Variants in PELI2 observed in about 807,000 individuals in gnomAD.
PELI2 encodes the protein pellino E3 ubiquitin protein ligase family member 2.
PELI2 carries 23 observed loss-of-function variants against 42.3 expected under a neutral mutation model. That is an observed-to-expected ratio of 0.54 (90% CI 0.39 to 0.77). The LOEUF (loss-of-function observed/expected upper bound fraction) is 0.77. Ranked by LOEUF, PELI2 falls within the 30% of genes least tolerant of loss-of-function variation. The pLI, the probability that PELI2 is intolerant of heterozygous loss-of-function variation, is 0.00. For missense variants in PELI2, 463 were observed against 553.2 expected, an observed-to-expected ratio of 0.84 and a Z score of 1.64; for synonymous variants, 245 against 212.2, an observed-to-expected ratio of 1.15 and a Z score of -1.34.
At chr14:56,253,722 C>T (rs984338712) in intron 2 of PELI2, among the ~76,000 whole-genome samples, 10 of 152,204 alleles carry the variant, frequency 6.6e-5, no homozygotes, top group African/African-American at 2.4e-4. Flanking sequence ...AACGGAAAAA[C>T]ATTCCACGCT....
chr14:56,178,564 C>A, intron 2 of PELI2, 100 bp downstream of exon 2: 2 of 1,308,582 alleles, frequency 1.5e-6, no homozygotes, highest in Non-Finnish European at 2.2e-6. Flanking sequence ...TCATGTAGGA[C>A]AGTCTCTCAG....
At chr14:56,133,423 C>T (rs1435431802) in intron 1 of PELI2, among the ~76,000 whole-genome samples, 1 of 152,112 alleles carries the variant, frequency 6.6e-6, no homozygotes, top group Non-Finnish European at 1.5e-5. Flanking sequence ...GGGTGCTGTC[C>T]TCTGAGAGCT....
At chr14:56,249,313 C>T (rs1228126431) in intron 2 of PELI2, among the ~76,000 whole-genome samples, 1 of 152,138 alleles carries the variant, frequency 6.6e-6, no homozygotes. Flanking sequence ...TTTCATTTAA[C>T]ATCCTTTACA....
chr14:56,251,167 GC>G (rs1888329655), intron 2 of PELI2, among the ~76,000 whole-genome samples: 1 of 152,188 alleles, frequency 6.6e-6, no homozygotes, highest in Non-Finnish European at 1.5e-5. Flanking sequence ...GCTATTAGTA[GC>G]CAGCACTCAG....
chr14:56,204,108 G>A (rs1015388765), intron 2 of PELI2, among the ~76,000 whole-genome samples: 2 of 152,186 alleles, frequency 1.3e-5, no homozygotes, highest in African/African-American at 4.8e-5. Context: ...TAGAGGGCTT[G>A]TTCAACAGGG....
intron 2 of PELI2, among the ~76,000 whole-genome samples, chr14:56,279,309 A>C (rs926731467): frequency 1.3e-5 from 2 of 152,198 alleles, no homozygotes; most frequent in Non-Finnish European, 2.9e-5. Context: ...GTTGTGTGAA[A>C]TCTTAAAACT....
At chr14:56,194,827 T>A (rs1173463024) in intron 2 of PELI2, among the ~76,000 whole-genome samples, 4 of 152,118 alleles carry the variant, frequency 2.6e-5, no homozygotes. Context: ...CCCATTCCTC[T>A]GCCTCAAAAT....
At chr14:56,201,314 C>A (rs972223901) in intron 2 of PELI2, among the ~76,000 whole-genome samples, 5 of 152,180 alleles carry the variant, frequency 3.3e-5, no homozygotes, top group African/African-American at 1.2e-4. Context: ...AAGCTAGAAC[C>A]AGTGACAGAT....
intron 2 of PELI2, among the ~76,000 whole-genome samples, chr14:56,183,933 G>GT (rs1885678292): frequency 6.6e-6 from 1 of 152,126 alleles, no homozygotes; most frequent in South Asian, 2.1e-4. Flanking sequence ...ACTTCTAGGT[G>GT]TTTTCATTTG....
intron 2 of PELI2, among the ~76,000 whole-genome samples, chr14:56,181,533 G>T (rs190717730): frequency 2.0e-5 from 3 of 152,156 alleles, no homozygotes; most frequent in Admixed American, 6.5e-5. Flanking sequence ...ACCTAGAAGG[G>T]TAGGTGTGGT....
intron 2 of PELI2, among the ~76,000 whole-genome samples, chr14:56,203,875 C>T (rs937213716): frequency 2.0e-5 from 3 of 152,158 alleles, no homozygotes; most frequent in African/African-American, 7.2e-5. Context: ...CTGAGTCTCT[C>T]ACCCATAAAA....
At chr14:56,208,968 G>GT (rs1233025682) in intron 2 of PELI2, among the ~76,000 whole-genome samples, 1 of 152,190 alleles carries the variant, frequency 6.6e-6, no homozygotes, top group Non-Finnish European at 1.5e-5. Context: ...TGGAAAACTT[G>GT]TATCTGCTAC....
intron 2 of PELI2, among the ~76,000 whole-genome samples, chr14:56,267,360 C>T (rs1825849067): frequency 6.6e-6 from 1 of 152,020 alleles, no homozygotes; most frequent in African/African-American, 2.4e-5. Context: ...GAAATAGATT[C>T]AGGGTATGGC....
At chr14:56,149,109 A>C (rs1432020117) in intron 1 of PELI2, among the ~76,000 whole-genome samples, 1 of 152,208 alleles carries the variant, frequency 6.6e-6, no homozygotes, top group Non-Finnish European at 1.5e-5. Context: ...TTTTACCCAA[A>C]TCCTTTCAAC....
chr14:56,190,050 A>G (rs988962646), intron 2 of PELI2, among the ~76,000 whole-genome samples: 2 of 152,198 alleles, frequency 1.3e-5, no homozygotes, highest in Admixed American at 1.3e-4. Flanking sequence ...TTTTGAACAA[A>G]GAGTTGTGTA....
intron 3 of PELI2, among the ~76,000 whole-genome samples, chr14:56,285,417 A>C (rs1007527712): frequency 4.6e-5 from 7 of 152,200 alleles, no homozygotes; most frequent in Non-Finnish European, 8.8e-5. Context: ...CATATATTAC[A>C]TTTGAGATAT....
chr14:56,222,469 G>A (rs1033499948), intron 2 of PELI2, among the ~76,000 whole-genome samples: 2 of 152,196 alleles, frequency 1.3e-5, no homozygotes, highest in African/African-American at 2.4e-5. Flanking sequence ...AGCTCACCAC[G>A]TGCCTGTGCC....
chr14:56,215,130 C>T (rs1886856596), intron 2 of PELI2, among the ~76,000 whole-genome samples: 1 of 152,214 alleles, frequency 6.6e-6, no homozygotes, highest in Admixed American at 6.5e-5. Flanking sequence ...ATGTGACAGT[C>T]TCACTTCTAA....
chr14:56,241,609 T>C (rs755681309), intron 2 of PELI2, among the ~76,000 whole-genome samples: 3 of 152,046 alleles, frequency 2.0e-5, no homozygotes, highest in Non-Finnish European at 4.4e-5. Context: ...TCTGTTGGAA[T>C]TACATTAACA....
Sources: allele counts gnomAD v4.1 joint callset (sites outside exome capture counted in the v4.1 genomes callset), GRCh38; gene constraint gnomAD v4.1.1; transcripts MANE v1.5; gene names NCBI Gene and HGNC (gene_info 2026-07-23, HGNC 2026-07-21).